The following GNG12 variants were observed in gnomAD, a reference collection of about 807,000 sequenced individuals.
The protein encoded by GNG12 is G protein subunit gamma 12.
For missense variants in GNG12, 69 were observed against 83.8 expected (o/e 0.82, Z 0.69); for synonymous variants, 28 against 29.7 (o/e 0.94, Z 0.19).
intron 1 of GNG12, among the ~76,000 whole-genome samples, chr1:67,823,962 G>C (rs1408236432): frequency 6.6e-6 from 1 of 152,204 alleles, no homozygotes; most frequent in African/African-American, 2.4e-5. Context: ...GTTATTCTGT[G>C]TGTGTGTGAG....
chr1:67,798,262 C>T (rs554281409), intron 1 of GNG12, among the ~76,000 whole-genome samples: 6 of 152,232 alleles, frequency 3.9e-5, no homozygotes, highest in African/African-American at 7.2e-5. Flanking sequence ...TTAGGAAGCA[C>T]GAACCCTATG....
intron 1 of GNG12, among the ~76,000 whole-genome samples, chr1:67,824,381 G>T (rs1424695267): frequency 6.6e-6 from 1 of 151,610 alleles, no homozygotes; most frequent in African/African-American, 2.4e-5. Flanking sequence ...GTGGTGGCAG[G>T]CACCTATAGT....
At chr1:67,792,034 T>C (rs1214685441) in intron 1 of GNG12, among the ~76,000 whole-genome samples, 1 of 152,158 alleles carries the variant, frequency 6.6e-6, no homozygotes, top group Admixed American at 6.5e-5. Context: ...GGCCTGCACA[T>C]CTCACTGCCT....
intron 2 of GNG12, among the ~76,000 whole-genome samples, chr1:67,745,317 G>C (rs1646502129): frequency 6.6e-6 from 1 of 152,196 alleles, no homozygotes; most frequent in African/African-American, 2.4e-5. Context: ...TTGTTGATGT[G>C]AAGAATACAT....
chr1:67,767,476 A>C (rs1646648042), intron 2 of GNG12, among the ~76,000 whole-genome samples: 1 of 152,158 alleles, frequency 6.6e-6, no homozygotes, highest in African/African-American at 2.4e-5. Context: ...CTCAGTAACC[A>C]GTTTGGGTCA....
At chr1:67,745,742 A>G (rs1027400847) in intron 2 of GNG12, among the ~76,000 whole-genome samples, 1 of 152,204 alleles carries the variant, frequency 6.6e-6, no homozygotes, top group Non-Finnish European at 1.5e-5. Context: ...GTCAGTGTAA[A>G]AATCTAAAAA....
intron 3 of GNG12, among the ~76,000 whole-genome samples, chr1:67,707,206 G>A (rs1172509281): frequency 1.3e-5 from 2 of 152,178 alleles, no homozygotes; most frequent in African/African-American, 2.4e-5. Flanking sequence ...GACTTCTTAC[G>A]TGAAGCTGCC....
chr1:67,748,157 T>A (rs1267220943), intron 2 of GNG12, among the ~76,000 whole-genome samples: 1 of 152,182 alleles, frequency 6.6e-6, no homozygotes. Context: ...CTTTCCTTTT[T>A]GTGGGGGCAG....
At chr1:67,765,273 T>C (rs1261833993) in intron 2 of GNG12, among the ~76,000 whole-genome samples, 1 of 152,136 alleles carries the variant, frequency 6.6e-6, no homozygotes. Flanking sequence ...TGCCATCAAA[T>C]ACTGAAGTAC....
intron 2 of GNG12, among the ~76,000 whole-genome samples, chr1:67,762,412 C>T (rs1273403018): frequency 6.6e-6 from 1 of 152,130 alleles, no homozygotes. Context: ...AACTGTAAGG[C>T]TAGAAGAGGC....
chr1:67,770,008 G>C (rs1244868738), intron 2 of GNG12, among the ~76,000 whole-genome samples: 1 of 152,208 alleles, frequency 6.6e-6, no homozygotes. Context: ...CTCCTCACCA[G>C]ATGAAGGACC....
At chr1:67,814,840 C>T (rs1409159576) in intron 1 of GNG12, among the ~76,000 whole-genome samples, 1 of 152,208 alleles carries the variant, frequency 6.6e-6, no homozygotes, top group Non-Finnish European at 1.5e-5. Flanking sequence ...GTACAAGTTA[C>T]TGAAGCTCTC....
rs189192537 is a variant in GNG12 at position 67,726,652 on chromosome 1, G to A, written c.-26-18940C>T. ...AAATGTATTATCTATTGAATGAAAA[G>A]GTTAAGTCAGAGAAACTAATTGTTT... On this transcript the variant is annotated intron_variant, in intron 2 of 3. Coordinates refer to ENST00000370982, the MANE Select transcript of GNG12 (RefSeq NM_018841.6). 2.7e-3 allele frequency among the ~76,000 whole-genome samples: 412 copies of A among 152,276 alleles called. 4 individuals are homozygous for A. The highest frequency in any genetic ancestry group is 6.0e-3 in the Admixed American group (92 of 15,298).
At chr1:67,745,183 G>A (rs1223325176) in intron 2 of GNG12, among the ~76,000 whole-genome samples, 2 of 152,112 alleles carry the variant, frequency 1.3e-5, no homozygotes, top group Non-Finnish European at 2.9e-5. Context: ...ATACACAGAC[G>A]ACAAATAAAC....
chr1:67,719,800 A>G (rs1646346804), intron 2 of GNG12, among the ~76,000 whole-genome samples: 1 of 152,242 alleles, frequency 6.6e-6, no homozygotes. Context: ...CATGGCAGAA[A>G]GAGGATTTCA....
chr1:67,786,650 C>T (rs892379448), intron 1 of GNG12, among the ~76,000 whole-genome samples: 2 of 152,048 alleles, frequency 1.3e-5, no homozygotes, highest in African/African-American at 4.8e-5. Flanking sequence ...GGGCCAGATG[C>T]AGTAGCTCAC....
At chr1:67,736,692 A>G (rs1247562187) in intron 2 of GNG12, among the ~76,000 whole-genome samples, 1 of 152,220 alleles carries the variant, frequency 6.6e-6, no homozygotes, top group Non-Finnish European at 1.5e-5. Context: ...GGGGACAGAC[A>G]GTTCCTTGGT....
chr1:67,764,524 G>C (rs766495089), intron 2 of GNG12, among the ~76,000 whole-genome samples: 1 of 152,052 alleles, frequency 6.6e-6, no homozygotes, highest in Non-Finnish European at 1.5e-5. Context: ...GAAATTAGAG[G>C]GAACTTAGAT....
intron 2 of GNG12, among the ~76,000 whole-genome samples, chr1:67,747,892 A>T (rs146766932): frequency 6.6e-6 from 1 of 152,348 alleles, no homozygotes; most frequent in African/African-American, 2.4e-5. Flanking sequence ...AACGTATGCT[A>T]TGCAAACAAT....
Sources: gnomAD v4.1 joint callset for allele counts (sites outside exome capture counted in the v4.1 genomes callset) on GRCh38, gnomAD v4.1.1 for gene constraint, MANE v1.5 for transcripts, NCBI Gene and HGNC (gene_info 2026-07-23, HGNC 2026-07-21) for gene names.